PARD3B: variants seen among roughly 807,000 people sequenced by gnomAD.
PARD3B encodes partitioning defective 3 homolog B.
PARD3B carries 103 observed loss-of-function variants against 130.2 expected under a neutral mutation model. The ratio of observed to expected loss-of-function variants is 0.79; its 90% CI spans 0.67 to 0.93. The LOEUF is 0.93. PARD3B is among the 40% of genes least tolerant of loss of function. PARD3B has a pLI of 0.00. For missense variants in PARD3B, 1,609 were observed against 1,499.2 expected (o/e 1.07, Z -1.21); for synonymous variants, 583 against 553.2 (o/e 1.05, Z -0.76).
At position 204,562,942 on chromosome 2, in the gene PARD3B, G is replaced by A. The variant is rs147418623; in HGVS notation, c.120+16823G>A. On this transcript the variant is annotated intron_variant, in intron 1 of 22. Transcript: ENST00000406610. ...CACTTGGGAAATGCAGCTGTGGGTC[G>A]TAAGGAGTCCCTCACTCTATCGCTC... Among the ~76,000 whole-genome samples the A allele has an allele frequency of 3.8e-4, 58 of 152,130 alleles. 1 individual carries two copies. In the East Asian group the frequency reaches 8.3e-3, roughly 22 times the overall value.
chr2:205,298,989 G>A (rs951409072), intron 16 of PARD3B, among the ~76,000 whole-genome samples: 1 of 152,142 alleles, frequency 6.6e-6, no homozygotes, highest in Non-Finnish European at 1.5e-5. Context: ...GCTAAAAGTA[G>A]TACCAGTAGC....
chr2:204,757,666 A>G (rs2040736128), intron 2 of PARD3B, among the ~76,000 whole-genome samples: 1 of 152,060 alleles, frequency 6.6e-6, no homozygotes, highest in Non-Finnish European at 1.5e-5. Context: ...CAAACAGCAA[A>G]TCTCTTGCTG....
Position 205,215,278 on chromosome 2 carries a change from C to CT in PARD3B, c.2140+21970dup, listed in dbSNP as rs879735307. Among the ~76,000 whole-genome samples, 1,003 of 142,164 alleles carry CT rather than the reference C, an allele frequency of 7.1e-3. 10 individuals are homozygous for CT. Among genetic ancestry groups the CT allele is most frequent in the African/African-American group, 0.023 (906 of 38,922 alleles). The allele number at this position is 142,164 out of a possible 152,430, so 93.3% of individuals were successfully genotyped here. A position where few individuals can be genotyped will look rare whatever the true frequency, so the allele number is the denominator to read the frequency against. On this transcript the variant is annotated intron_variant, in intron 15 of 22. Coordinates refer to ENST00000406610, the MANE Select transcript of PARD3B (RefSeq NM_001302769.2). ...AGAGTTCACTTTGGATTACATTGTT[C>CT]TTTTTTTTTTTTAATTCAGCAACAT...
chr2:205,179,281 G>T (rs2035656151), intron 13 of PARD3B, among the ~76,000 whole-genome samples: 1 of 152,280 alleles, frequency 6.6e-6, no homozygotes, highest in South Asian at 2.1e-4. Flanking sequence ...AAGTAACAAA[G>T]TTACTGAGAT....
At chr2:205,250,681 C>A (rs1031102806) in intron 16 of PARD3B, among the ~76,000 whole-genome samples, 5 of 152,182 alleles carry the variant, frequency 3.3e-5, no homozygotes, top group African/African-American at 1.2e-4. Context: ...GTAATCCCAG[C>A]ACTTTGGGAG....
intron 18 of PARD3B, among the ~76,000 whole-genome samples, chr2:205,324,149 A>G (rs983584592): frequency 2.0e-5 from 3 of 152,184 alleles, no homozygotes; most frequent in African/African-American, 7.2e-5. Context: ...ATACCTGGCC[A>G]TTAGGTGTTG....
intron 5 of PARD3B, among the ~76,000 whole-genome samples, chr2:205,106,264 C>T (rs1039521008): frequency 1.3e-5 from 2 of 152,112 alleles, no homozygotes; most frequent in African/African-American, 2.4e-5. Context: ...TCTCCTGCCT[C>T]AGCCTCCCAA....
At chr2:205,170,899 T>C (rs1253703654) in intron 11 of PARD3B, among the ~76,000 whole-genome samples, 1 of 152,148 alleles carries the variant, frequency 6.6e-6, no homozygotes, top group Admixed American at 6.5e-5. Context: ...TATTTTTGTG[T>C]TGTGCAGTTG....
chr2:205,131,542 C>G lies in PARD3B; in HGVS notation c.1434+5805C>G, dbSNP rs370398583. On this transcript the variant is annotated intron_variant, in intron 10 of 22. Coordinates refer to ENST00000406610, the MANE Select transcript of PARD3B (RefSeq NM_001302769.2). ...GATGTGTCCTGTCTTCAAGGAGCTT[C>G]TAGCCCATAAAGAAAAGAAGAGTGA... Among the ~76,000 whole-genome samples, 125 of 152,268 alleles carry G rather than the reference C, an allele frequency of 8.2e-4. 1 individual carries two copies. The East Asian group carries it at 8.7e-3, about 11-fold the overall frequency.
At chr2:204,947,153 C>T (rs1197817387) in intron 2 of PARD3B, among the ~76,000 whole-genome samples, 4 of 152,120 alleles carry the variant, frequency 2.6e-5, no homozygotes, top group Admixed American at 6.6e-5. Flanking sequence ...GTCAAATTAA[C>T]GCGTAACATT....
At chr2:205,447,266 G>T (rs2106182605) in intron 20 of PARD3B, among the ~76,000 whole-genome samples, 1 of 151,442 alleles carries the variant, frequency 6.6e-6, no homozygotes, top group South Asian at 2.1e-4. Context: ...TCAGCTTCAG[G>T]CTTCAGGGTG....
At chr2:205,482,131 G>A (rs2049261826) in intron 20 of PARD3B, among the ~76,000 whole-genome samples, 1 of 152,158 alleles carries the variant, frequency 6.6e-6, no homozygotes, top group South Asian at 2.1e-4. Context: ...GAGGGAATAG[G>A]ATAATCAAAG....
chr2:205,023,451 CCTT>C (rs1261342172), intron 3 of PARD3B, among the ~76,000 whole-genome samples: 3 of 108,866 alleles, frequency 2.8e-5, no homozygotes, highest in Non-Finnish European at 5.5e-5. Context: ...CATGCCCACA[CCTT>C]TTTTTTTTTT....
chr2:204,877,431 T>A (rs1410564256), intron 2 of PARD3B, among the ~76,000 whole-genome samples: 1 of 151,520 alleles, frequency 6.6e-6, no homozygotes, highest in East Asian at 1.9e-4. Flanking sequence ...CAGTACTCAG[T>A]GAGATGGAAA....
chr2:204,888,926 T>G (rs1449322361), intron 2 of PARD3B, among the ~76,000 whole-genome samples: 2 of 152,152 alleles, frequency 1.3e-5, no homozygotes, highest in African/African-American at 4.8e-5. Flanking sequence ...TAAAGAATTA[T>G]AGATGAAACT....
At chr2:204,781,911 T>G (rs1416212383) in intron 2 of PARD3B, among the ~76,000 whole-genome samples, 1 of 152,108 alleles carries the variant, frequency 6.6e-6, no homozygotes, top group Non-Finnish European at 1.5e-5. Context: ...TTCAGATCTC[T>G]TATTATGTGC....
chr2:204,682,814 T>C (rs1211721473), intron 1 of PARD3B, among the ~76,000 whole-genome samples: 2 of 152,228 alleles, frequency 1.3e-5, no homozygotes, highest in Non-Finnish European at 2.9e-5. Flanking sequence ...CACAGCATTA[T>C]AGTATGTGGG....
intron 21 of PARD3B, among the ~76,000 whole-genome samples, chr2:205,527,214 T>C (rs1016403939): frequency 6.6e-6 from 1 of 152,184 alleles, no homozygotes; most frequent in Non-Finnish European, 1.5e-5. Flanking sequence ...TTAAACACTC[T>C]ATTTGGAAAC....
intron 2 of PARD3B, among the ~76,000 whole-genome samples, chr2:204,935,531 T>A (rs1688384589): frequency 6.6e-6 from 1 of 151,582 alleles, no homozygotes; most frequent in Non-Finnish European, 1.5e-5. Context: ...AGAGCAAGAC[T>A]CCGTCTCAAA....
Sources: gnomAD v4.1 joint callset for allele counts (sites outside exome capture counted in the v4.1 genomes callset) on GRCh38, gnomAD v4.1.1 for gene constraint, MANE v1.5 for transcripts, NCBI Gene and HGNC (gene_info 2026-07-23, HGNC 2026-07-21) for gene names.